TBCK: variants seen among roughly 807,000 people sequenced by gnomAD.
TBCK encodes TBC1 domain containing kinase.
Under a neutral mutation model 113.4 loss-of-function variants are expected in TBCK, and 99 were observed. The observed-to-expected ratio is 0.87, with a 90% CI of 0.74 to 1.03. The LOEUF (loss-of-function observed/expected upper bound fraction) is 1.03, where lower values mean the gene tolerates loss of function less well. TBCK is among the 50% of genes least tolerant of loss of function. The probability of loss-of-function intolerance (pLI) is 0.00; values close to 1 mark genes in which losing one functional copy is unlikely to be tolerated. For missense variants in TBCK, 1,045 were observed against 1,061.3 expected, an observed-to-expected ratio of 0.98 and a Z score of 0.21; for synonymous variants, 369 against 370.8, an observed-to-expected ratio of 1.00 and a Z score of 0.05.
chr4:106,173,974 C>T (rs77027122), intron 22 of TBCK, among the ~76,000 whole-genome samples: 2,122 of 152,100 alleles, frequency 0.014, 26 homozygotes, highest in Middle Eastern at 0.044. Flanking sequence ...GGTAAAATAA[C>T]TTCTCTAAAT....
intron 21 of TBCK, among the ~76,000 whole-genome samples, chr4:106,194,377 A>G (rs190632530): frequency 6.6e-6 from 1 of 152,238 alleles, no homozygotes; most frequent in Non-Finnish European, 1.5e-5. Context: ...TTAAAAAATA[A>G]AAGTTACTGA....
rs745967369 is a variant in TBCK at position 106,193,582 on chromosome 4, A to G, written c.2059+27T>C. On this transcript the variant is annotated intron_variant, in intron 22 of 25. Coordinates refer to ENST00000394708, the MANE Select transcript of TBCK (RefSeq NM_001163435.3). ...ATTATTTCATAGTCAAATTTCATTT[A>G]ATGGCTCCATTTATTTAGATCTATA... The G allele has an allele frequency of 2.5e-6, 4 of 1,608,822 alleles. No individual in the cohort carries two copies. The South Asian group carries it at 4.4e-5, about 18-fold the overall frequency.
chr4:106,101,527 A>C (rs1335456174), intron 24 of TBCK, among the ~76,000 whole-genome samples: 2 of 152,216 alleles, frequency 1.3e-5, no homozygotes, highest in African/African-American at 4.8e-5. Flanking sequence ...CAAAGAGACA[A>C]GAGTAATACT....
At chr4:106,295,213 T>A (rs567418310) in intron 2 of TBCK, 47 bp from the exon 3 acceptor site, 1 of 1,555,706 alleles carries the variant, frequency 6.4e-7, no homozygotes, top group South Asian at 1.1e-5. Context: ...CAATACAACA[T>A]GTTAAAAACA....
chr4:106,102,335 A>G (rs1053234323), intron 24 of TBCK, among the ~76,000 whole-genome samples: 1 of 152,174 alleles, frequency 6.6e-6, no homozygotes, highest in Admixed American at 6.5e-5. Flanking sequence ...CTACAATCAC[A>G]AAAACTGAAC....
intron 15 of TBCK, 64 bp downstream of exon 15, chr4:106,235,205 A>T: frequency 7.5e-5 from 74 of 981,022 alleles, no homozygotes; most frequent in Non-Finnish European, 9.4e-5. Context: ...TTTGGAAAGC[A>T]CTCTCCTTCT....
At chr4:106,178,415 G>A (rs1751941540) in intron 22 of TBCK, among the ~76,000 whole-genome samples, 1 of 151,860 alleles carries the variant, frequency 6.6e-6, no homozygotes, top group African/African-American at 2.4e-5. Context: ...AAAAAAGCCT[G>A]TTGGTTTTTC....
chr4:106,200,183 C>T (rs1184228814), intron 20 of TBCK, among the ~76,000 whole-genome samples: 4 of 152,286 alleles, frequency 2.6e-5, no homozygotes, highest in South Asian at 2.1e-4. Flanking sequence ...CTTTCCTTTG[C>T]TTTCTTAAAG....
At chr4:106,214,499 C>A (rs1270211426) in intron 19 of TBCK, among the ~76,000 whole-genome samples, 1 of 151,446 alleles carries the variant, frequency 6.6e-6, no homozygotes, top group Admixed American at 6.6e-5. Flanking sequence ...ACTAGAATAA[C>A]CAATACAGAG....
At chr4:106,225,640 G>T (rs542353756) in intron 19 of TBCK, among the ~76,000 whole-genome samples, 1 of 152,008 alleles carries the variant, frequency 6.6e-6, no homozygotes, top group Non-Finnish European at 1.5e-5. Context: ...TGTATTTTTA[G>T]TAGAGACAGG....
chr4:106,244,572 A>G (rs1760547030), intron 11 of TBCK, 54 bp downstream of exon 11: 11 of 1,355,948 alleles, frequency 8.1e-6, no homozygotes, highest in Non-Finnish European at 1.1e-5. Context: ...TTACCATAGA[A>G]TTATTACCAT....
chr4:106,159,469 T>C (rs1300903610), intron 23 of TBCK, among the ~76,000 whole-genome samples: 1 of 152,080 alleles, frequency 6.6e-6, no homozygotes, highest in Non-Finnish European at 1.5e-5. Context: ...CAAAAATCAG[T>C]TGTATTTCTA....
chr4:106,148,660 C>T (rs748557846), intron 23 of TBCK, among the ~76,000 whole-genome samples: 1 of 152,206 alleles, frequency 6.6e-6, no homozygotes, highest in Admixed American at 6.5e-5. Flanking sequence ...GTAAACCACA[C>T]TGTAAACAGG....
chr4:106,114,094 C>T (rs763193681), intron 24 of TBCK, among the ~76,000 whole-genome samples: 3 of 152,172 alleles, frequency 2.0e-5, no homozygotes, highest in Non-Finnish European at 2.9e-5. Context: ...AGCCGGAATG[C>T]GAGCAGTGCC....
At chr4:106,053,235 T>C (rs1735004803) in intron 25 of TBCK, among the ~76,000 whole-genome samples, 1 of 151,608 alleles carries the variant, frequency 6.6e-6, no homozygotes, top group Non-Finnish European at 1.5e-5. Flanking sequence ...CCTATCTCTT[T>C]TCATTTCTTT....
At chr4:106,314,872 G>A (rs1768608278) in intron 1 of TBCK, among the ~76,000 whole-genome samples, 1 of 151,816 alleles carries the variant, frequency 6.6e-6, no homozygotes, top group Non-Finnish European at 1.5e-5. Flanking sequence ...TGATCCACCC[G>A]CCTCGACCTC....
intron 1 of TBCK, chr4:106,310,304 G>A (rs1247537599): frequency 6.6e-6 from 1 of 152,172 alleles, no homozygotes; most frequent in Non-Finnish European, 1.5e-5. Context: ...ATATAAGGAA[G>A]AGTGAAGCAG....
intron 3 of TBCK, among the ~76,000 whole-genome samples, chr4:106,290,776 G>A (rs1765631708): frequency 2.6e-5 from 4 of 152,080 alleles, no homozygotes; most frequent in South Asian, 2.1e-4. Context: ...GCTCCCCATC[G>A]CTACATTACC....
At chr4:106,194,516 TTTTTA>T (rs1203955554) in intron 21 of TBCK, among the ~76,000 whole-genome samples, 197 bp downstream of exon 21, 1 of 151,918 alleles carries the variant, frequency 6.6e-6, no homozygotes, top group Non-Finnish European at 1.5e-5. Context: ...GTCCAATAGG[TTTTTA>T]TTTTATAGAA....
Sources: allele counts gnomAD v4.1 joint callset (sites outside exome capture counted in the v4.1 genomes callset), GRCh38; gene constraint gnomAD v4.1.1; transcripts MANE v1.5; gene names NCBI Gene and HGNC (gene_info 2026-07-23, HGNC 2026-07-21).